Variants in TEAD1 observed in about 807,000 individuals in gnomAD.
TEAD1 encodes TEA domain transcription factor 1.
A neutral mutation model predicts 54.9 loss-of-function variants in TEAD1; 9 were observed. That is an observed-to-expected ratio of 0.16 (90% CI 0.10 to 0.29). The LOEUF is 0.29. Among genes scored for constraint, TEAD1 ranks in the 10% least tolerant of loss-of-function variants. The pLI, the probability that TEAD1 is intolerant of heterozygous loss-of-function variation, is 1.00. For synonymous variants in TEAD1, 200 were observed against 187.8 expected (o/e 1.07, Z -0.53); for missense variants, 387 against 535.9 (o/e 0.72, Z 2.74).
At chr11:12,831,360 ATC>A (rs1378344404) in intron 3 of TEAD1, among the ~76,000 whole-genome samples, 1 of 152,030 alleles carries the variant, frequency 6.6e-6, no homozygotes, top group Admixed American at 6.6e-5. Context: ...CCCTGAGCTG[ATC>A]TTAGATCTGC....
At chr11:12,767,830 TTTC>T (rs1271219061) in intron 3 of TEAD1, among the ~76,000 whole-genome samples, 1 of 152,174 alleles carries the variant, frequency 6.6e-6, no homozygotes, top group Non-Finnish European at 1.5e-5. Context: ...GGGCTCTCTC[TTTC>T]TCTGTGCTTG....
intron 5 of TEAD1, among the ~76,000 whole-genome samples, chr11:12,875,977 C>A (rs1947846992): frequency 6.6e-6 from 1 of 152,098 alleles, no homozygotes; most frequent in Non-Finnish European, 1.5e-5. Context: ...TGACTTGATC[C>A]ACATAATGCA....
rs534696254 is a variant in TEAD1 at position 12,830,894 on chromosome 11, T to C, written c.203-31356T>C. Among the ~76,000 whole-genome samples, 9 of 152,060 alleles carry C rather than the reference T, an allele frequency of 5.9e-5. No homozygotes were observed. The South Asian group carries it at 1.9e-3, about 32-fold the overall frequency. ...AGGGAGACACCCATCTCTGCCCCCA[T>C]CCGCTGATTCTCTTCCCTTTTCTAT... On this transcript the variant is annotated intron_variant, in intron 3 of 12. Coordinates refer to ENST00000527636, the MANE Select transcript of TEAD1 (RefSeq NM_021961.6).
intron 3 of TEAD1, among the ~76,000 whole-genome samples, chr11:12,848,396 A>G (rs1590209247): frequency 6.6e-6 from 1 of 152,188 alleles, no homozygotes; most frequent in Admixed American, 6.5e-5. Flanking sequence ...TGATGTGTGT[A>G]CAATTCAGTC....
intron 2 of TEAD1, among the ~76,000 whole-genome samples, chr11:12,695,164 C>T (rs994969348): frequency 6.6e-6 from 1 of 152,168 alleles, no homozygotes; most frequent in Non-Finnish European, 1.5e-5. Flanking sequence ...ATTTTCTGTT[C>T]AACTTCAGGC....
rs532103785 is a variant in TEAD1, at chr11:12,846,398, G to A, written c.203-15852G>A. Reference sequence around the variant, plus strand: ...AAACTGCTTAAGCGGTTGTTGACTTGTGGAACCTTCTATCCACACAAGGGT... The same window carrying A: ...AAACTGCTTAAGCGGTTGTTGACTTATGGAACCTTCTATCCACACAAGGGT... On this transcript the variant is annotated intron_variant, in intron 3 of 12. Coordinates refer to ENST00000527636, the MANE Select transcript of TEAD1 (RefSeq NM_021961.6). Among the ~76,000 whole-genome samples the A allele has an allele frequency of 7.2e-5, 11 of 152,276 alleles. No homozygotes were observed. In the East Asian group the frequency reaches 1.9e-3, roughly 27 times the overall value.
intron 2 of TEAD1, among the ~76,000 whole-genome samples, chr11:12,707,748 T>G (rs1590070450): frequency 6.6e-6 from 1 of 152,230 alleles, no homozygotes; most frequent in Non-Finnish European, 1.5e-5. Flanking sequence ...TCAGTACTAT[T>G]GTCTGGCACA....
At chr11:12,806,593 G>A (rs1344649576) in intron 3 of TEAD1, among the ~76,000 whole-genome samples, 1 of 152,168 alleles carries the variant, frequency 6.6e-6, no homozygotes, top group East Asian at 1.9e-4. Context: ...CCCAAGTTGG[G>A]CCCTCTGGCC....
At chr11:12,702,303 A>G (rs988555476) in intron 2 of TEAD1, among the ~76,000 whole-genome samples, 1 of 152,106 alleles carries the variant, frequency 6.6e-6, no homozygotes, top group African/African-American at 2.4e-5. Flanking sequence ...GCGTGTTACT[A>G]TCTGAGAACA....
At chr11:12,675,759 C>T (rs983950890) in intron 2 of TEAD1, among the ~76,000 whole-genome samples, 198 bp downstream of exon 2, 8 of 152,162 alleles carry the variant, frequency 5.3e-5, no homozygotes, top group South Asian at 2.1e-4. Context: ...TTTAAAAAAT[C>T]AAAGCAATAT....
Position 12,747,468 on chromosome 11 carries a change from G to A in TEAD1, c.-54-16711G>A, listed in dbSNP as rs187523154. Among the ~76,000 whole-genome samples the A allele has an allele frequency of 8.5e-5, 13 of 152,236 alleles. No homozygotes were observed. In the East Asian group the frequency reaches 2.5e-3, roughly 29 times the overall value. On this transcript the variant is annotated intron_variant, in intron 2 of 12. Transcript: ENST00000527636. ...TCCTGCCTCAGCCTCCTGAGTAGCT[G>A]GGATTATAGGCACCCGCCACCACAC...
intron 3 of TEAD1, among the ~76,000 whole-genome samples, chr11:12,856,130 C>T (rs1318519791): frequency 8.5e-5 from 12 of 140,884 alleles, no homozygotes; most frequent in Non-Finnish European, 1.8e-4. Context: ...TATCTTCTTC[C>T]TTTTTTTTTT....
intron 2 of TEAD1, among the ~76,000 whole-genome samples, chr11:12,726,760 C>G (rs1053598593): frequency 6.6e-6 from 1 of 151,992 alleles, no homozygotes; most frequent in Non-Finnish European, 1.5e-5. Context: ...GAGGCTGAGC[C>G]TGGGGAGGTT....
At chr11:12,816,809 T>G (rs1183025801) in intron 3 of TEAD1, among the ~76,000 whole-genome samples, 1 of 152,072 alleles carries the variant, frequency 6.6e-6, no homozygotes, top group Non-Finnish European at 1.5e-5. Flanking sequence ...TGCTCATGGT[T>G]TAGTGGAGGG....
chr11:12,704,216 A>G (rs1943765867), intron 2 of TEAD1, among the ~76,000 whole-genome samples: 1 of 152,228 alleles, frequency 6.6e-6, no homozygotes, highest in Admixed American at 6.5e-5. Context: ...TGCCAAGCAC[A>G]GGAAGAATGC....
At chr11:12,709,530 T>G (rs1006037771) in intron 2 of TEAD1, among the ~76,000 whole-genome samples, 1 of 152,088 alleles carries the variant, frequency 6.6e-6, no homozygotes, top group African/African-American at 2.4e-5. Context: ...TTCTACTTAT[T>G]TATTTTAGAG....
intron 10 of TEAD1, among the ~76,000 whole-genome samples, chr11:12,923,899 A>G (rs1252626070): frequency 6.6e-6 from 1 of 152,228 alleles, no homozygotes; most frequent in African/African-American, 2.4e-5. Context: ...GTGGGGGCAC[A>G]TTCAGACCAC....
chr11:12,766,064 C>G (rs1945201910), intron 3 of TEAD1, among the ~76,000 whole-genome samples: 1 of 152,162 alleles, frequency 6.6e-6, no homozygotes, highest in Non-Finnish European at 1.5e-5. Context: ...CCTTGTACAA[C>G]TCTCATTTGC....
At chr11:12,830,249 G>A (rs1223866242) in intron 3 of TEAD1, among the ~76,000 whole-genome samples, 1 of 152,130 alleles carries the variant, frequency 6.6e-6, no homozygotes, top group Non-Finnish European at 1.5e-5. Context: ...TGGCAGGTGA[G>A]GTCAGAGGAT....
Sources: allele counts gnomAD v4.1 joint callset (sites outside exome capture counted in the v4.1 genomes callset), GRCh38; gene constraint gnomAD v4.1.1; transcripts MANE v1.5; gene names NCBI Gene and HGNC (gene_info 2026-07-23, HGNC 2026-07-21).